The following FGD5 variants were observed in gnomAD, a reference collection of about 807,000 sequenced individuals.
FGD5 encodes FYVE, RhoGEF and PH domain containing 5.
In FGD5, 28 loss-of-function variants were observed where a neutral mutation model predicts 133.4. The ratio of observed to expected loss-of-function variants is 0.21; its 90% CI spans 0.16 to 0.29. The LOEUF (loss-of-function observed/expected upper bound fraction) is 0.29. Ranked by LOEUF, FGD5 falls within the 10% of genes least tolerant of loss-of-function variation. FGD5 has a pLI of 1.00. For synonymous variants in FGD5, 810 were observed against 776.5 expected, an observed-to-expected ratio of 1.04 and a Z score of -0.72; for missense variants, 1,858 against 1,895.2, an observed-to-expected ratio of 0.98 and a Z score of 0.36.
intron 16 of FGD5, 77 bp downstream of exon 16, chr3:14,923,252 C>A (rs2038723745): frequency 6.5e-7 from 1 of 1,532,502 alleles, no homozygotes. Flanking sequence ...CTCTGTGGTC[C>A]ATGGTTCATG....
intron 11 of FGD5, among the ~76,000 whole-genome samples, chr3:14,913,792 C>G (rs572696903): frequency 1.3e-5 from 2 of 152,334 alleles, no homozygotes; most frequent in East Asian, 3.9e-4. Flanking sequence ...TCTTGGCTCA[C>G]TGGCCCTCAC....
At chr3:14,923,948 C>T in intron 16 of FGD5, 60 bp from the exon 17 acceptor site, 2 of 1,600,566 alleles carry the variant, frequency 1.2e-6, no homozygotes, top group Non-Finnish European at 1.7e-6. Context: ...ATCAGTGTTC[C>T]AAAGACAAGC....
intron 9 of FGD5, among the ~76,000 whole-genome samples, chr3:14,902,421 G>A (rs2125136310): frequency 6.6e-6 from 1 of 152,276 alleles, no homozygotes. Flanking sequence ...GACGGTGCAT[G>A]TTGGAGTTCA....
intron 1 of FGD5, among the ~76,000 whole-genome samples, chr3:14,851,561 T>G (rs2037165264): frequency 6.6e-6 from 1 of 152,222 alleles, no homozygotes. Flanking sequence ...CATCACTACC[T>G]CAGGTTGCCC....
chr3:14,851,227 T>A (rs1219941707), intron 1 of FGD5, among the ~76,000 whole-genome samples: 1 of 152,158 alleles, frequency 6.6e-6, no homozygotes, highest in African/African-American at 2.4e-5. Flanking sequence ...ACAGGTCGTA[T>A]ACCTCATTTA....
At chr3:14,885,868 A>G (rs1207734461) in intron 4 of FGD5, among the ~76,000 whole-genome samples, 1 of 152,212 alleles carries the variant, frequency 6.6e-6, no homozygotes, top group Non-Finnish European at 1.5e-5. Flanking sequence ...TTGAGCTCAC[A>G]TTGTATAAAG....
intron 4 of FGD5, among the ~76,000 whole-genome samples, chr3:14,885,532 G>A (rs372505413): frequency 1.3e-5 from 2 of 152,280 alleles, no homozygotes; most frequent in South Asian, 4.2e-4. Context: ...ACGGGCCTTC[G>A]GCTCCCTACA....
rs1349336005 is a variant in FGD5, at chr3:14,880,661, G to A, written c.2717+31G>A. 4 of 1,613,902 alleles carry A rather than the reference G, an allele frequency of 2.5e-6. No individual in the cohort carries two copies. The African/African-American group carries it at 4.0e-5, about 16-fold the overall frequency. On this transcript the variant is annotated intron_variant, in intron 3 of 19. Transcript: ENST00000285046. Reference sequence around the variant, plus strand: ...TCCCCAAGGAGCTGCCTGTGGCCTTGAGCTTATAAACAAAACGTCACCCTC... The same window carrying A: ...TCCCCAAGGAGCTGCCTGTGGCCTTAAGCTTATAAACAAAACGTCACCCTC...
intron 1 of FGD5, among the ~76,000 whole-genome samples, chr3:14,832,329 C>T (rs897078507): frequency 2.6e-5 from 4 of 152,134 alleles, no homozygotes; most frequent in Non-Finnish European, 5.9e-5. Flanking sequence ...TATGTGTTAA[C>T]TCAATTCATC....
At chr3:14,814,318 G>T (rs559101733), upstream of FGD5, among the ~76,000 whole-genome samples, 15 of 152,310 alleles carry the variant, frequency 9.8e-5, no homozygotes, top group South Asian at 3.1e-3. Context: ...AAGTTCCCTG[G>T]AATGCTCTAT....
intron 2 of FGD5, among the ~76,000 whole-genome samples, chr3:14,868,122 G>A (rs11718348): frequency 0.093 from 14,145 of 152,102 alleles, 825 homozygotes; most frequent in East Asian, 0.3. Flanking sequence ...AAGCAAGAAA[G>A]ACTTAAAAAT....
rs181107127 is a variant in FGD5 at position 14,904,939 on chromosome 3, C to T, written c.3265-2701C>T. On this transcript the variant is annotated intron_variant, in intron 9 of 19. Coordinates refer to ENST00000285046, the MANE Select transcript of FGD5 (RefSeq NM_152536.4). ...AAACTGCTGGGATTATAGGCATGAGCCACCATGGCTGGCCTTTATTTATTT... is the reference window on the plus strand; with the variant it reads ...AAACTGCTGGGATTATAGGCATGAGTCACCATGGCTGGCCTTTATTTATTT... Among the ~76,000 whole-genome samples the T allele has an allele frequency of 9.5e-4, 144 of 152,288 alleles. 4 individuals carry two copies. The highest frequency in any genetic ancestry group is 8.8e-3 in the Admixed American group (134 of 15,304).
At chr3:14,828,152 A>G (rs537290673) in intron 1 of FGD5, among the ~76,000 whole-genome samples, 1 of 152,168 alleles carries the variant, frequency 6.6e-6, no homozygotes, top group Non-Finnish European at 1.5e-5. Flanking sequence ...GAGGGGGACC[A>G]GGTACCACTG....
Position 14,923,072 on chromosome 3 carries a change from C to T in FGD5, c.3834C>T (p.Asn1278=), listed in dbSNP as rs764823817. ...TCGTGTGCCGGAACTGTTCGCGGAA[C>T]AAGTACCCGCTGAAGTACCTGAAGG... ...GKIVCRNCSR[N]KYPLKYLKDR... Residue 1278 remains asparagine, a synonymous_variant, in exon 16 of 20, where the codon AAC becomes AAT. Transcript: ENST00000285046. The T allele has an allele frequency of 3.7e-6, 6 of 1,613,778 alleles. No individual in the cohort carries two copies. Among genetic ancestry groups the T allele is most frequent in the Admixed American group, 1.7e-5 (1 of 60,000 alleles).
intron 1 of FGD5, among the ~76,000 whole-genome samples, chr3:14,824,505 A>G (rs1302161613): frequency 1.3e-5 from 2 of 152,194 alleles, no homozygotes; most frequent in South Asian, 2.1e-4. Context: ...ATAAATACCC[A>G]TAGCCCTGAC....
intron 1 of FGD5, among the ~76,000 whole-genome samples, chr3:14,843,683 G>T (rs1243647489): frequency 1.0e-5 from 1 of 100,162 alleles, no homozygotes; most frequent in Non-Finnish European, 2.0e-5. Flanking sequence ...CATCCCCAGG[G>T]TGCTTTTTTT....
Position 14,900,472 on chromosome 3 carries a change from C to A in FGD5, c.3205+19C>A. 6.2e-7 allele frequency: 1 copy of A among 1,611,782 alleles called. No individual in the cohort carries two copies. Among genetic ancestry groups the A allele is most frequent in the East Asian group, 2.2e-5 (1 of 44,818 alleles). On this transcript the variant is annotated intron_variant, in intron 8 of 19. Coordinates refer to ENST00000285046, the MANE Select transcript of FGD5 (RefSeq NM_152536.4). Reference sequence around the variant, plus strand: ...ACACAGGGTGAGTCCAGCGTGAATGCGGAGGGAGGTACTCAAGCCTGCTCT... The same window carrying A: ...ACACAGGGTGAGTCCAGCGTGAATGAGGAGGGAGGTACTCAAGCCTGCTCT...
Position 14,918,803 on chromosome 3 carries a change from C to A in FGD5, c.3539C>A (p.Thr1180Asn), listed in dbSNP as rs772803469. ...EKVPYALKIE[T>N]SESCLMLSAS... is the part of the protein sequence containing the mutation. The stretch of plus-strand genomic sequence containing the variant: ...GTGCCCTACGCTCTAAAGATTGAGA[C>A]TTCCGAGTCCTGCCTGATGCTGTCT... The change falls in exon 13 of 20, where the codon ACT (threonine) becomes AAT (asparagine). Residue 1180 changes from threonine (T) to asparagine (N), a missense_variant. Physicochemically the swap from Thr to Asn is moderately conservative, Grantham distance 65. This residue lies in a region of FGD5 where 1,824 missense variants were observed against 1,848.9 expected (regional missense o/e 0.99). Transcript: ENST00000285046. 39 of 1,614,016 alleles carry A rather than the reference C, an allele frequency of 2.4e-5. No individual in the cohort carries two copies. Among genetic ancestry groups the A allele is most frequent in the Non-Finnish European group, 3.3e-5 (39 of 1,179,900 alleles).
intron 2 of FGD5, among the ~76,000 whole-genome samples, chr3:14,872,642 G>T (rs1656438): frequency 0.14 from 21,910 of 152,270 alleles, 1,908 homozygotes; most frequent in East Asian, 0.39. Context: ...TGTGTCCCAT[G>T]TTCACCTTGG....
Sources: allele counts gnomAD v4.1 joint callset (sites outside exome capture counted in the v4.1 genomes callset), GRCh38; gene constraint gnomAD v4.1.1; regional missense constraint gnomAD v4.1.1; transcripts MANE v1.5; gene names NCBI Gene and HGNC (gene_info 2026-07-23, HGNC 2026-07-21).